The following IFT122 variants were observed in gnomAD, a reference collection of about 807,000 sequenced individuals.
IFT122 encodes the protein intraflagellar transport 122.
In IFT122, 118 loss-of-function variants were observed where a neutral mutation model predicts 161.6. The observed-to-expected ratio is 0.73, with a 90% CI of 0.63 to 0.85. IFT122 has a LOEUF of 0.85. Among genes scored for constraint, IFT122 ranks in the 40% least tolerant of loss-of-function variants. IFT122 has a pLI of 0.00. For synonymous variants in IFT122, 550 were observed against 602.4 expected, an observed-to-expected ratio of 0.91 and a Z score of 1.27; for missense variants, 1,381 against 1,579.6, an observed-to-expected ratio of 0.87 and a Z score of 2.13.
chr3:129,481,155 G>A (rs952094081), intron 13 of IFT122, among the ~76,000 whole-genome samples: 1 of 152,126 alleles, frequency 6.6e-6, no homozygotes, highest in Non-Finnish European at 1.5e-5. Context: ...CACATGTCTT[G>A]TCAGTGTTCA....
rs867722696 is a variant in IFT122 at position 129,469,788 on chromosome 3, T to C, written c.816+371T>C. On this transcript the variant is annotated intron_variant, in intron 9 of 29. Coordinates refer to ENST00000348417, the MANE Select transcript of IFT122 (RefSeq NM_052989.3). ...CTTACTTTCCTCTATTCGCTTTCTT[T>C]CATTCAACCAGTATTTATGAGTACC... 4.6e-5 allele frequency among the ~76,000 whole-genome samples: 7 copies of C among 152,344 alleles called. No homozygotes were observed. The Middle Eastern group carries it at 0.017, about 370-fold the overall frequency.
chr3:129,465,114 AGTGTGTGTGTGTGTGTGTGT>A (rs56116340), intron 7 of IFT122, among the ~76,000 whole-genome samples: 11,533 of 142,404 alleles, frequency 0.081, 508 homozygotes, highest in South Asian at 0.11. Flanking sequence ...CATGTATATG[AGTGTGTGTGTGTGTGTGTGT>A]GTGTGTGTGT....
chr3:129,470,793 C>G (rs2077289216), intron 9 of IFT122, among the ~76,000 whole-genome samples: 1 of 151,948 alleles, frequency 6.6e-6, no homozygotes, highest in African/African-American at 2.4e-5. Context: ...TGGTCTCAAG[C>G]TCCTGACCTC....
chr3:129,453,638 T>A (rs1421138088), intron 3 of IFT122, among the ~76,000 whole-genome samples: 1 of 152,154 alleles, frequency 6.6e-6, no homozygotes, highest in East Asian at 1.9e-4. Flanking sequence ...TGTATACAGA[T>A]AAATAATTAT....
At chr3:129,495,727 A>G (rs1169147222) in intron 18 of IFT122, 120 bp downstream of exon 18, 2 of 1,184,142 alleles carry the variant, frequency 1.7e-6, no homozygotes, top group East Asian at 4.8e-5. Context: ...GGTCTCAGAA[A>G]GGATGTGGGG....
intron 20 of IFT122, 54 bp downstream of exon 20, chr3:129,502,936 A>C (rs2081752161): frequency 6.3e-7 from 1 of 1,579,152 alleles, no homozygotes; most frequent in Admixed American, 1.7e-5. Flanking sequence ...CCTGGGACAC[A>C]GGCGGGTGGG....
At chr3:129,481,143 A>G (rs1250142554) in intron 13 of IFT122, among the ~76,000 whole-genome samples, 1 of 152,228 alleles carries the variant, frequency 6.6e-6, no homozygotes, top group Non-Finnish European at 1.5e-5. Context: ...ATAATTTTCT[A>G]CCACATGTCT....
In IFT122 at chr3:129,488,268, G is replaced by A; in HGVS notation, c.1863G>A (p.Met621Ile). 6.2e-7 allele frequency: 1 copy of A among 1,614,164 alleles called. No individual in the cohort carries two copies. Among genetic ancestry groups the A allele is most frequent in the South Asian group, 1.1e-5 (1 of 91,088 alleles). The change falls in exon 16 of 30, where the codon ATG (methionine) becomes ATA (isoleucine). Residue 621 changes from methionine to isoleucine, a missense_variant. Physicochemically the swap from Met to Ile is conservative, Grantham distance 10 (BLOSUM62 1). Around this residue, in one of 7 missense-constraint regions of IFT122, gnomAD observed 544 missense variants for 648.0 expected, o/e 0.84. Transcript: ENST00000348417. ...ATGAAATCCTGCAGTCCGCTCCCATGTACCAGTACCTGGATAGGAAACTGT... is the reference window on the plus strand; with the variant it reads ...ATGAAATCCTGCAGTCCGCTCCCATATACCAGTACCTGGATAGGAAACTGT... Reference protein sequence around the residue: ...SAVEVPQSAPMYQYLDRKLFK... With the variant: ...SAVEVPQSAPIYQYLDRKLFK...
Position 129,506,266 on chromosome 3 carries a change from C to A in IFT122, c.2651-143C>A, listed in dbSNP as rs532790656. 5.6e-6 allele frequency: 5 copies of A among 895,446 alleles called. No individual in the cohort carries two copies. In the Admixed American group the frequency reaches 9.2e-5, roughly 17 times the overall value. 55.5% of individuals were successfully genotyped at this position (895,446 alleles called of 1,614,324 possible). On this transcript the variant is annotated intron_variant, in intron 21 of 29. Transcript: ENST00000348417. ...CCTTGGTTATTTAGAGAAGCGCCAT[C>A]CCAGCAACGAAGCACTGCAGATGCT...
At chr3:129,487,669 C>T (rs1362748851) in intron 15 of IFT122, 2 of 173,496 alleles carry the variant, frequency 1.2e-5, no homozygotes, top group Admixed American at 5.4e-5. Flanking sequence ...CCATTCCAGA[C>T]CGCTTCCTCC....
chr3:129,516,594 G>GCACACA (rs2083735743), intron 26 of IFT122, among the ~76,000 whole-genome samples: 3 of 79,676 alleles, frequency 3.8e-5, no homozygotes, highest in Non-Finnish European at 7.2e-5. Flanking sequence ...GACTGCCCCT[G>GCACACA]CACACACACA....
intron 4 of IFT122, chr3:129,460,829 G>C (rs1276742010): frequency 6.3e-7 from 1 of 1,590,704 alleles, no homozygotes; most frequent in East Asian, 2.2e-5. Context: ...TTTCATTGTT[G>C]TCTAAGGATT....
At position 129,506,405 on chromosome 3, in the gene IFT122, A is replaced by C. The variant is rs773736175; in HGVS notation, c.2651-4A>C. The stretch of plus-strand genomic sequence containing the variant: ...CTTTTTTCCTCCCTCCACCACTCCT[A>C]CAGCGTTCCACAAGGCTGGGCGACA... On this transcript the variant is annotated splice_region_variant and splice_polypyrimidine_tract_variant and intron_variant, in intron 21 of 29. Coordinates refer to ENST00000348417, the MANE Select transcript of IFT122 (RefSeq NM_052989.3). The C allele has an allele frequency of 6.2e-7, 1 of 1,613,636 alleles. No homozygotes were observed. The highest frequency in any genetic ancestry group is 2.2e-5 in the East Asian group (1 of 44,880).
intron 1 of IFT122, among the ~76,000 whole-genome samples, chr3:129,444,042 A>G (rs981556991): frequency 2.6e-5 from 4 of 152,226 alleles, no homozygotes; most frequent in African/African-American, 9.6e-5. Flanking sequence ...CACTGCTCCA[A>G]CATCTAATAA....
rs73204212 is a variant in IFT122, at chr3:129,476,945, C to T, written c.1147+144C>T. 0.11 allele frequency: 67,336 copies of T among 640,884 alleles called. 3,989 individuals carry two copies. The highest frequency in any genetic ancestry group is 0.23 in the South Asian group (11,873 of 51,112). 39.7% of individuals were successfully genotyped at this position (640,884 alleles called of 1,614,324 possible). On this transcript the variant is annotated intron_variant, in intron 11 of 29. Transcript: ENST00000348417. ...AGCCACTGGGTCTGTGTCTTGTTTT[C>T]TTTTTTTTTTTTTTTTGGTGGGGGA... is the stretch of plus-strand genomic sequence containing the variant.
In IFT122 at chr3:129,458,498, A is replaced by G. The variant is rs2075797510; in HGVS notation, c.194-101A>G. On this transcript the variant is annotated intron_variant, in intron 3 of 29. Coordinates refer to ENST00000348417, the MANE Select transcript of IFT122 (RefSeq NM_052989.3). Reference sequence around the variant, plus strand: ...GATAAGAACTAGGAAAGAAGCTAACACTTACTAGGTACCTTAAAGAACTAG... The same window carrying G: ...GATAAGAACTAGGAAAGAAGCTAACGCTTACTAGGTACCTTAAAGAACTAG... The G allele has an allele frequency of 7.1e-6, 7 of 988,598 alleles. No individual in the cohort carries two copies. The Admixed American group carries it at 8.8e-5, about 12-fold the overall frequency. The allele number at this position is 988,598 out of a possible 1,614,324, so 61.2% of individuals were successfully genotyped here. A position where few individuals can be genotyped will look rare whatever the true frequency, so the allele number is the denominator to read the frequency against.
intron 3 of IFT122, among the ~76,000 whole-genome samples, chr3:129,457,503 G>T (rs2075655748): frequency 2.0e-5 from 3 of 152,082 alleles, no homozygotes; most frequent in Non-Finnish European, 4.4e-5. Context: ...CATCCATGTG[G>T]ATGGGTCTGT....
chr3:129,504,456 C>T, intron 21 of IFT122, 35 bp downstream of exon 21: 1 of 1,539,766 alleles, frequency 6.5e-7, no homozygotes, highest in Non-Finnish European at 9.0e-7. Flanking sequence ...CTAGAAGGAG[C>T]AGGAGAAGTT....
intron 15 of IFT122, among the ~76,000 whole-genome samples, chr3:129,485,628 C>T (rs920070057): frequency 5.9e-5 from 9 of 152,250 alleles, no homozygotes; most frequent in African/African-American, 2.2e-4. Context: ...CCCAAACTAG[C>T]TCTGCTTATT....
Sources: allele counts gnomAD v4.1 joint callset (sites outside exome capture counted in the v4.1 genomes callset), GRCh38; gene constraint gnomAD v4.1.1; regional missense constraint gnomAD v4.1.1; transcripts MANE v1.5; gene names NCBI Gene and HGNC (gene_info 2026-07-23, HGNC 2026-07-21).